The following NIBAN2 variants were observed in gnomAD, a reference collection of about 807,000 sequenced individuals.
NIBAN2 encodes the protein protein Niban 2.
In NIBAN2, 36 loss-of-function variants were observed where a neutral mutation model predicts 81.8. That is an observed-to-expected ratio of 0.44 (90% CI 0.34 to 0.58). The LOEUF (loss-of-function observed/expected upper bound fraction) is 0.58. NIBAN2 is among the 20% of genes least tolerant of loss of function. NIBAN2 has a pLI of 0.02. For synonymous variants in NIBAN2, 445 were observed against 441.6 expected (o/e 1.01, Z -0.10); for missense variants, 897 against 1,014.1 (o/e 0.88, Z 1.57).
intron 1 of NIBAN2, among the ~76,000 whole-genome samples, chr9:127,533,270 C>T (rs1322172248): frequency 2.0e-5 from 3 of 150,824 alleles, no homozygotes; most frequent in African/African-American, 7.3e-5. Context: ...CCCTGGCTAA[C>T]ACGGTGAAAC....
chr9:127,535,831 C>T (rs948129793), intron 1 of NIBAN2, among the ~76,000 whole-genome samples: 3 of 151,750 alleles, frequency 2.0e-5, no homozygotes, highest in Non-Finnish European at 2.9e-5. Flanking sequence ...AAGCAGATGT[C>T]GGCAAGGGGA....
chr9:127,566,688 C>T (rs189867597), intron 1 of NIBAN2, among the ~76,000 whole-genome samples: 28 of 152,228 alleles, frequency 1.8e-4, no homozygotes, highest in Admixed American at 1.7e-3. Flanking sequence ...TCTACTGGGG[C>T]AGAGAACAAG....
intron 1 of NIBAN2, among the ~76,000 whole-genome samples, chr9:127,557,475 G>A (rs2132229808): frequency 6.6e-6 from 1 of 152,308 alleles, no homozygotes; most frequent in Middle Eastern, 3.4e-3. Context: ...TGCAGGAAGA[G>A]GGGAGGGAGG....
intron 1 of NIBAN2, among the ~76,000 whole-genome samples, chr9:127,552,349 G>C (rs1219024403): frequency 4.6e-5 from 7 of 152,198 alleles, no homozygotes. Flanking sequence ...GAGGCAGGAG[G>C]ATCACTTAAG....
At chr9:127,535,516 C>T (rs1837259373) in intron 1 of NIBAN2, among the ~76,000 whole-genome samples, 1 of 152,028 alleles carries the variant, frequency 6.6e-6, no homozygotes, top group African/African-American at 2.4e-5. Context: ...AGTGCAGGGA[C>T]CCCGCTGCCT....
intron 1 of NIBAN2, among the ~76,000 whole-genome samples, chr9:127,543,093 C>A (rs921969993): frequency 6.6e-6 from 1 of 152,188 alleles, no homozygotes; most frequent in Non-Finnish European, 1.5e-5. Flanking sequence ...CGCCAAGGCC[C>A]GACAATGACA....
rs753880584 is a variant in NIBAN2 at position 127,509,015 on chromosome 9, C to T, written c.1278G>A (p.Thr426=). 74 of 1,613,822 alleles carry T rather than the reference C, an allele frequency of 4.6e-5. 1 individual carries two copies. The highest frequency in any genetic ancestry group is 3.0e-4 in the South Asian group (27 of 91,074). The part of the protein sequence containing the change: ...GLQQRFDVSS[T]SVFKQRAQIH... ...TCTGGGCTCGCTGCTTGAACACGGA[C>T]GTGCTGGACACATCAAATCGCTGCT... The change falls in exon 10 of 14, where the codon ACG becomes ACA. Residue 426 remains threonine, a synonymous_variant. Coordinates refer to ENST00000373312, the MANE Select transcript of NIBAN2 (RefSeq NM_022833.4).
At position 127,510,242 on chromosome 9, in the gene NIBAN2, G is replaced by A; in HGVS notation, c.1065C>T (p.Ser355=). The change falls in exon 9 of 14, where the codon AGC becomes AGT. Residue 355 remains serine (S), a synonymous_variant. Coordinates refer to ENST00000373312, the MANE Select transcript of NIBAN2 (RefSeq NM_022833.4). ...SILEALMVPT[S]QGFTEVRDVF... is the part of the protein sequence containing the mutation. The stretch of plus-strand genomic sequence containing the variant: ...CATCTCGCACCTCAGTGAAGCCCTG[G>A]CTGGTGGGGACCATCAGGGCCTCCA... 1 of 1,614,074 alleles carries A rather than the reference G, an allele frequency of 6.2e-7. No individual in the cohort carries two copies. The highest frequency in any genetic ancestry group is 1.7e-4 in the Middle Eastern group (1 of 6,060).
chr9:127,524,478 T>G (rs957123084), intron 4 of NIBAN2, among the ~76,000 whole-genome samples: 5 of 152,178 alleles, frequency 3.3e-5, no homozygotes, highest in Non-Finnish European at 7.3e-5. Flanking sequence ...TTAGTGCCTG[T>G]GCTTTGTAGA....
rs538952707 is a variant in NIBAN2, at chr9:127,506,623, C to G, written c.*222G>C. ...AGCAGGAAAACCCCAAAACCAGCCC[C>G]TGCATCTGAGATCATCCCACAGAAG... On this transcript the variant is annotated 3_prime_UTR_variant, in exon 14 of 14. Transcript: ENST00000373312. 4.4e-5 allele frequency: 19 copies of G among 436,526 alleles called. 1 individual carries two copies. In the South Asian group the frequency reaches 9.9e-4, roughly 23 times the overall value. 27.0% of individuals were successfully genotyped at this position (436,526 alleles called of 1,614,324 possible).
At chr9:127,576,092 C>T (rs190098605) in intron 1 of NIBAN2, among the ~76,000 whole-genome samples, 8 of 152,326 alleles carry the variant, frequency 5.3e-5, no homozygotes, top group Non-Finnish European at 1.2e-4. Context: ...CCTCCTTCGA[C>T]ATGACATCAC....
At chr9:127,524,902 G>A (rs901810091) in intron 4 of NIBAN2, 156 bp downstream of exon 4, 14 of 604,698 alleles carry the variant, frequency 2.3e-5, no homozygotes, top group African/African-American at 5.6e-5. Context: ...AGGGAGATGC[G>A]AAAGGCAAAC....
In NIBAN2 at chr9:127,535,140, G is replaced by A. The variant is rs79637850; in HGVS notation, c.56-3362C>T. Among the ~76,000 whole-genome samples the A allele has an allele frequency of 5.7e-3, 870 of 152,334 alleles. 43 individuals are homozygous for A. In the East Asian group the frequency reaches 0.14, roughly 25 times the overall value. On this transcript the variant is annotated intron_variant, in intron 1 of 13. Transcript: ENST00000373312. ...CAGGGTTCCTTTGGCCGTGGCTCCA[G>A]GGCCCCCAGCCAGCCCCAGTGCACC... is the stretch of plus-strand genomic sequence containing the variant.
upstream of NIBAN2, among the ~76,000 whole-genome samples, chr9:127,569,628 C>T (rs978285066): frequency 6.6e-6 from 1 of 152,048 alleles, no homozygotes; most frequent in Non-Finnish European, 1.5e-5. Context: ...CCCCCTGCCC[C>T]CCCAAGTCCC....
intron 5 of NIBAN2, among the ~76,000 whole-genome samples, chr9:127,522,607 C>T (rs1163985571): frequency 6.6e-6 from 1 of 152,120 alleles, no homozygotes; most frequent in African/African-American, 2.4e-5. Context: ...CAGGTCACCC[C>T]CTCCCTGCTT....
chr9:127,548,772 G>A (rs1430431058), intron 1 of NIBAN2, among the ~76,000 whole-genome samples: 4 of 152,178 alleles, frequency 2.6e-5, no homozygotes. Flanking sequence ...AAAGGAGGGA[G>A]GACTTGTTCC....
chr9:127,509,277 A>G (rs1393361549), intron 9 of NIBAN2, 146 bp from the exon 10 acceptor site: 3 of 751,658 alleles, frequency 4.0e-6, no homozygotes, highest in East Asian at 2.7e-5. Context: ...CATGGCCACA[A>G]AGGTAAACCC....
chr9:127,513,304 G>A (rs1022139305), intron 8 of NIBAN2, among the ~76,000 whole-genome samples: 2 of 152,152 alleles, frequency 1.3e-5, no homozygotes, highest in South Asian at 2.1e-4. Flanking sequence ...GAGGGTAGTC[G>A]AGGGCGAGGG....
rs61237579 is a variant in NIBAN2, at chr9:127,575,773, G to T, written c.16+3149C>A. ...TCAAACTCCTGAGCTCAGGTGATCC[G>T]CCCGCCTTGGCTCCCACAGTGCTGG... On this transcript the variant is annotated intron_variant, in intron 1 of 13. Transcript: ENST00000373314. Among the ~76,000 whole-genome samples the T allele has an allele frequency of 3.0e-3, 459 of 151,514 alleles. 3 individuals carry two copies. Among genetic ancestry groups the T allele is most frequent in the African/African-American group, 0.011 (435 of 41,256 alleles).
Sources: gnomAD v4.1 joint callset for allele counts (sites outside exome capture counted in the v4.1 genomes callset) on GRCh38, gnomAD v4.1.1 for gene constraint, MANE v1.5 for transcripts, NCBI Gene and HGNC (gene_info 2026-07-23, HGNC 2026-07-21) for gene names.